Variants in DSE observed in about 807,000 individuals in gnomAD.
The protein encoded by DSE is dermatan-sulfate epimerase.
In DSE, 36 loss-of-function variants were observed where a neutral mutation model predicts 84.4. That is an observed-to-expected ratio of 0.43 (90% confidence interval 0.33 to 0.56). The LOEUF (loss-of-function observed/expected upper bound fraction) is 0.56, where lower values mean the gene tolerates loss of function less well. DSE is among the 20% of genes least tolerant of loss of function. The pLI is 0.06. For synonymous variants in DSE, 410 were observed against 430.1 expected (o/e 0.95, Z 0.58); for missense variants, 862 against 1,169.6 (o/e 0.74, Z 3.84).
At chr6:116,393,283 C>T (rs1781030917) in intron 1 of DSE, among the ~76,000 whole-genome samples, 1 of 152,126 alleles carries the variant, frequency 6.6e-6, no homozygotes, top group South Asian at 2.1e-4. Context: ...CGTATACTTT[C>T]CTTTCCAGTG....
rs752681383 is a variant in DSE, at chr6:116,437,042, C to A, written c.2574C>A (p.Asp858Glu). The A allele has an allele frequency of 3.1e-6, 5 of 1,613,942 alleles. No homozygotes were observed. Among genetic ancestry groups the A allele is most frequent in the Non-Finnish European group, 4.2e-6 (5 of 1,179,990 alleles). ...LPIDEDEEMK[D>E]LLDFADVTYE... ...TAGATGAAGATGAAGAAATGAAAGA[C>A]CTTTTAGATTTTGCAGATGTAACAT... The change falls in exon 6 of 6, where the codon GAC (aspartate) becomes GAA (glutamate). Residue 858 changes from aspartate to glutamate, a missense_variant. Coordinates refer to ENST00000644252, the MANE Select transcript of DSE (RefSeq NM_013352.4).
intron 2 of DSE, among the ~76,000 whole-genome samples, chr6:116,285,550 T>A (rs569314618): frequency 5.3e-5 from 8 of 152,250 alleles, no homozygotes; most frequent in Non-Finnish European, 8.8e-5. Context: ...CAGTTTTGGC[T>A]TTTGTTGCCA....
At chr6:116,303,147 T>G (rs1214045267) in intron 2 of DSE, among the ~76,000 whole-genome samples, 2 of 152,214 alleles carry the variant, frequency 1.3e-5, no homozygotes, top group African/African-American at 2.4e-5. Flanking sequence ...TGCCTTGGCT[T>G]CTTTTTATGC....
upstream of DSE, chr6:116,369,879 T>C (rs890727897): frequency 5.4e-6 from 7 of 1,288,240 alleles, no homozygotes; most frequent in Admixed American, 4.6e-5. Context: ...TCAGAACTCA[T>C]GGAGAAAAGC....
rs964841848 is a variant in DSE at position 116,439,693 on chromosome 6, T to G, written c.*2348T>G. The G allele has an allele frequency of 6.6e-6, 1 of 152,206 alleles. No homozygotes were observed. The highest frequency in any genetic ancestry group is 2.4e-5 in the African/African-American group (1 of 41,446). 9.4% of individuals were successfully genotyped at this position (152,206 alleles called of 1,614,324 possible). On this transcript the variant is annotated 3_prime_UTR_variant, in exon 6 of 6. Transcript: ENST00000644252. The stretch of plus-strand genomic sequence containing the variant: ...GAATCTGTTTCAATGCTGCTCACTA[T>G]GACAGGAATGTTTCAAGTTCATTTG...
intron 2 of DSE, among the ~76,000 whole-genome samples, chr6:116,338,018 G>C (rs1777350955): frequency 6.6e-6 from 1 of 151,966 alleles, no homozygotes; most frequent in African/African-American, 2.4e-5. Context: ...CAGTTACCTT[G>C]ATTTTGTCAG....
At chr6:116,279,733 T>TA in intron 2 of DSE, 1 of 1,611,762 alleles carries the variant, frequency 6.2e-7, no homozygotes, top group Non-Finnish European at 8.5e-7. Flanking sequence ...GAGCCTCAGG[T>TA]ACTGGTGTGC....
intron 2 of DSE, among the ~76,000 whole-genome samples, chr6:116,418,939 A>G (rs938302917): frequency 3.9e-5 from 6 of 152,250 alleles, no homozygotes; most frequent in African/African-American, 1.4e-4. Flanking sequence ...GACACAATGT[A>G]CTTAGAGGCT....
intron 2 of DSE, among the ~76,000 whole-genome samples, chr6:116,296,619 C>T (rs1484865198): frequency 6.6e-6 from 1 of 152,056 alleles, no homozygotes; most frequent in Non-Finnish European, 1.5e-5. Context: ...CTAGGAATTA[C>T]ATTATAAGTG....
intron 1 of DSE, among the ~76,000 whole-genome samples, chr6:116,372,023 A>G (rs1412466618): frequency 1.3e-5 from 2 of 152,348 alleles, no homozygotes; most frequent in Non-Finnish European, 2.9e-5. Flanking sequence ...TTCGTGTAAT[A>G]AAGTTCTTTT....
intron 1 of DSE, among the ~76,000 whole-genome samples, chr6:116,392,913 A>G (rs1781002324): frequency 6.6e-6 from 1 of 152,214 alleles, no homozygotes; most frequent in Admixed American, 6.5e-5. Flanking sequence ...TCTCATCTCC[A>G]GGATGATCAG....
At position 116,417,511 on chromosome 6, in the gene DSE, T is replaced by C. The variant is rs3798405; in HGVS notation, c.417-9063T>C. 1.8e-3 allele frequency among the ~76,000 whole-genome samples: 272 copies of C among 152,298 alleles called. 9 individuals carry two copies. The East Asian group carries it at 0.044, about 24-fold the overall frequency. ...CATAATTGACTCCTCAGTATTCTGC[T>C]TGAGTGGGGCCAAGTTGACTTAAAT... is the stretch of plus-strand genomic sequence containing the variant. On this transcript the variant is annotated intron_variant, in intron 2 of 5. Transcript: ENST00000644252.
At chr6:116,283,583 G>A (rs1229029732) in intron 2 of DSE, among the ~76,000 whole-genome samples, 2 of 151,648 alleles carry the variant, frequency 1.3e-5, no homozygotes, top group South Asian at 2.1e-4. Flanking sequence ...TCACTCTGTC[G>A]CCCAGGCTGG....
rs530630868 is a variant in DSE at position 116,273,943 on chromosome 6, C to T, written c.-54+14976C>T. Among the ~76,000 whole-genome samples the T allele has an allele frequency of 6.6e-5, 10 of 151,368 alleles. No homozygotes were observed. In the South Asian group the frequency reaches 1.9e-3, roughly 28 times the overall value. ...CTCTTGGGTTCAAGCGATTCTCCTG[C>T]CTCAGCCTCCCGAGTAGCTGGAATT... On this transcript the variant is annotated intron_variant, in intron 2 of 3. Coordinates refer to the DSE transcript ENST00000430252.
intron 1 of DSE, among the ~76,000 whole-genome samples, chr6:116,394,083 AG>A (rs1280420218): frequency 3.9e-5 from 6 of 152,242 alleles, no homozygotes; most frequent in African/African-American, 1.4e-4. Context: ...CTTAGGATTT[AG>A]GAGGTGCAAG....
rs539877095 is a variant in DSE, at chr6:116,437,434, T to C, written c.*89T>C. On this transcript the variant is annotated 3_prime_UTR_variant, in exon 6 of 6. Transcript: ENST00000644252. ...TCTTTACCCCAGATTATCAGATTTT[T>C]TTCCCTCAGATTCATTTTAACAAAT... 4.2e-5 allele frequency: 52 copies of C among 1,233,046 alleles called. No individual in the cohort carries two copies. In the African/African-American group the frequency reaches 7.9e-4, roughly 19 times the overall value. The allele number at this position is 1,233,046 out of a possible 1,614,324, so 76.4% of individuals were successfully genotyped here.
intron 2 of DSE, among the ~76,000 whole-genome samples, chr6:116,301,661 G>A (rs1197279433): frequency 6.6e-6 from 1 of 152,104 alleles, no homozygotes; most frequent in African/African-American, 2.4e-5. Context: ...AATACTTTAA[G>A]TTCTGGGGTA....
chr6:116,430,827 G>T, intron 3 of DSE, 127 bp from the exon 4 acceptor site: 3 of 1,276,112 alleles, frequency 2.4e-6, no homozygotes, highest in Non-Finnish European at 3.2e-6. Context: ...CTGACAAGTT[G>T]GAGTTTTACA....
At chr6:116,268,012 A>G (rs1262408269) in intron 2 of DSE, among the ~76,000 whole-genome samples, 1 of 152,176 alleles carries the variant, frequency 6.6e-6, no homozygotes, top group Non-Finnish European at 1.5e-5. Flanking sequence ...ATTTGAGATG[A>G]GATTTGGGTG....
Sources: gnomAD v4.1 joint callset for allele counts (sites outside exome capture counted in the v4.1 genomes callset) on GRCh38, gnomAD v4.1.1 for gene constraint, MANE v1.5 for transcripts, NCBI Gene and HGNC (gene_info 2026-07-23, HGNC 2026-07-21) for gene names.